Variants in PROSER3 observed in about 807,000 individuals in gnomAD.
The protein encoded by PROSER3 is proline and serine rich 3, also known as proline and serine-rich protein 3.
PROSER3 carries 33 observed loss-of-function variants against 50.2 expected under a neutral mutation model. The observed-to-expected ratio is 0.66, with a 90% CI of 0.50 to 0.88. PROSER3 has a LOEUF of 0.88. Among genes scored for constraint, PROSER3 ranks in the 40% least tolerant of loss-of-function variants. PROSER3 has a pLI of 0.00. For synonymous variants in PROSER3, 266 were observed against 259.3 expected (o/e 1.03, Z -0.25); for missense variants, 623 against 612.7 (o/e 1.02, Z -0.18).
downstream of PROSER3, chr19:35,770,654 G>A (rs559558014): frequency 5.3e-4 from 81 of 152,172 alleles, no homozygotes; most frequent in African/African-American, 1.9e-3. Context: ...CAGGTGGGCA[G>A]ATTACTTGAG....
At chr19:35,758,524 C>G (rs1303117060) in intron 1 of PROSER3, 2 of 371,490 alleles carry the variant, frequency 5.4e-6, no homozygotes, top group East Asian at 8.0e-5. Context: ...GGCCCCCAGA[C>G]ACGCCTGGGC....
chr19:35,765,289 CAG>C, intron 7 of PROSER3, 113 bp downstream of exon 7: 4 of 1,327,196 alleles, frequency 3.0e-6, no homozygotes, highest in Non-Finnish European at 3.1e-6. Flanking sequence ...AGCTGTAAAA[CAG>C]GGATAAGGCC....
At chr19:35,763,590 G>A (rs1213159338) in intron 5 of PROSER3, among the ~76,000 whole-genome samples, 2 of 135,314 alleles carry the variant, frequency 1.5e-5, no homozygotes, top group South Asian at 2.5e-4. Context: ...TGCAAACCCC[G>A]CCTCCCAGGT....
intron 5 of PROSER3, among the ~76,000 whole-genome samples, chr19:35,764,608 A>G (rs1971074374): frequency 3.3e-5 from 5 of 151,760 alleles, no homozygotes; most frequent in Non-Finnish European, 7.4e-5. Flanking sequence ...GTGAGCCGAG[A>G]TCGTGCCATT....
exon 10 of PROSER3, chr19:35,768,177 G>A (rs778667873): frequency 1.2e-6 from 2 of 1,613,558 alleles, no homozygotes; most frequent in Non-Finnish European, 1.7e-6. Flanking sequence ...GCGAGTTCCA[G>A]GACGATCCCG....
At chr19:35,768,460 G>C in exon 11 of PROSER3, 1 of 1,598,210 alleles carries the variant, frequency 6.3e-7, no homozygotes, top group Non-Finnish European at 8.5e-7. Flanking sequence ...CTGGGATCTT[G>C]GTCCCCTCCA....
exon 3 of PROSER3, chr19:35,759,986 G>A: frequency 1.9e-6 from 3 of 1,585,708 alleles, no homozygotes; most frequent in Non-Finnish European, 1.7e-6. Flanking sequence ...ACTCCGTGGT[G>A]GCCAAGTAAG....
chr19:35,764,121 C>T (rs1002071043), intron 5 of PROSER3, among the ~76,000 whole-genome samples: 4 of 152,040 alleles, frequency 2.6e-5, no homozygotes, highest in Non-Finnish European at 5.9e-5. Flanking sequence ...CAGTCCCAGG[C>T]GGGCTTTCCC....
chr19:35,769,097 A>G (rs1340854693), exon 11 of PROSER3: 1 of 152,198 alleles, frequency 6.6e-6, no homozygotes, highest in Non-Finnish European at 1.5e-5. Context: ...GCACCCACCC[A>G]TAGGTGCTCT....
intron 3 of PROSER3, 60 bp from the exon 4 acceptor site, chr19:35,761,959 A>G: frequency 6.7e-7 from 1 of 1,495,572 alleles, no homozygotes; most frequent in Non-Finnish European, 9.0e-7. Context: ...TGCTATAATT[A>G]TTCTTATTAT....
At chr19:35,761,381 C>G (rs1330246623) in intron 3 of PROSER3, among the ~76,000 whole-genome samples, 1 of 152,084 alleles carries the variant, frequency 6.6e-6, no homozygotes, top group Admixed American at 6.5e-5. Context: ...ACTAAAAATA[C>G]AAAAATTGGC....
In PROSER3 at chr19:35,763,505, C is replaced by CT. The variant is rs1314409508; in HGVS notation, c.543+1165dup. ...ATAGGCGTGAACCACCAAGCCCGGC[C>CT]TTTTTTTTTTTTTTTTGAGACGGAG... On this transcript the variant is annotated intron_variant, in intron 5 of 10. Coordinates refer to ENST00000396908, the Ensembl canonical transcript of PROSER3. 4.8e-3 allele frequency among the ~76,000 whole-genome samples: 661 copies of CT among 136,682 alleles called. 3 individuals are homozygous for CT. Among genetic ancestry groups the CT allele is most frequent in the East Asian group, 0.023 (110 of 4,824 alleles). The allele number at this position is 136,682 out of a possible 152,430, so 89.7% of individuals were successfully genotyped here. A position where few individuals can be genotyped will look rare whatever the true frequency, so the allele number is the denominator to read the frequency against.
chr19:35,766,759 C>A lies in PROSER3; in HGVS notation c.770-9C>A. 6.5e-7 allele frequency: 1 copy of A among 1,542,592 alleles called. No individual in the cohort carries two copies. Among genetic ancestry groups the A allele is most frequent in the Non-Finnish European group, 8.8e-7 (1 of 1,140,458 alleles). On this transcript the variant is annotated splice_polypyrimidine_tract_variant and intron_variant, in intron 7 of 10. Coordinates refer to ENST00000396908, the Ensembl canonical transcript of PROSER3. ...TGCCTCACCCTCTCCTCTCTACCTC[C>A]CCCTACAGCATCCCCGGCACCAGCC...
intron 8 of PROSER3, chr19:35,767,712 C>G (rs1309358596): frequency 6.8e-7 from 1 of 1,474,490 alleles, no homozygotes. Context: ...GAGGGCCCCC[C>G]TCCACCCAAG....
chr19:35,764,864 C>T, exon 6 of PROSER3: 1 of 1,613,512 alleles, frequency 6.2e-7, no homozygotes, highest in Non-Finnish European at 8.5e-7. Context: ...AACCTCCACA[C>T]ATGGAACTCA....
At chr19:35,765,278 C>T (rs1971107515) in intron 7 of PROSER3, 102 bp downstream of exon 7, 7 of 1,379,856 alleles carry the variant, frequency 5.1e-6, no homozygotes, top group Non-Finnish European at 6.8e-6. Flanking sequence ...CTTGTTTCTC[C>T]AGCTGTAAAA....
chr19:35,764,751 G>A (rs1311489930), intron 5 of PROSER3, 103 bp from the exon 6 acceptor site: 1 of 1,027,744 alleles, frequency 9.7e-7, no homozygotes, highest in Admixed American at 2.2e-5. Flanking sequence ...TGGCATGTGA[G>A]GTTACCAAGG....
At chr19:35,767,355 TG>T (rs1971185322) in intron 8 of PROSER3, 1 of 250,358 alleles carries the variant, frequency 4.0e-6, no homozygotes, top group Non-Finnish European at 7.6e-6. Flanking sequence ...CCGGCTTCCC[TG>T]GCCTCCACCC....
chr19:35,764,822 T>C (rs1349621132), intron 5 of PROSER3, 32 bp from the exon 6 acceptor site: 2 of 1,590,852 alleles, frequency 1.3e-6, no homozygotes, highest in East Asian at 4.5e-5. Flanking sequence ...GCCTTTGGGT[T>C]GGGGCTGGCG....
Sources: gnomAD v4.1 joint callset for allele counts (sites outside exome capture counted in the v4.1 genomes callset) on GRCh38, gnomAD v4.1.1 for gene constraint, MANE v1.5 for transcripts, NCBI Gene and HGNC (gene_info 2026-07-23, HGNC 2026-07-21) for gene names.